Variants in SLC22A5 observed in about 807,000 individuals in gnomAD.
SLC22A5 encodes organic cation/carnitine transporter 2.
In SLC22A5, 44 loss-of-function variants were observed where a neutral mutation model predicts 56.7. The observed-to-expected ratio is 0.78, with a 90% CI of 0.61 to 1.00. SLC22A5 has a LOEUF of 1.00. SLC22A5 is among the 50% of genes least tolerant of loss of function. SLC22A5 has a pLI of 0.00. For missense variants in SLC22A5, 675 were observed against 723.0 expected, an observed-to-expected ratio of 0.93 and a Z score of 0.76; for synonymous variants, 278 against 292.1, an observed-to-expected ratio of 0.95 and a Z score of 0.49.
chr5:132,383,402 C>G (rs1469328131), intron 2 of SLC22A5: 2 of 152,236 alleles, frequency 1.3e-5, no homozygotes, highest in African/African-American at 4.8e-5. Context: ...ATAGAATTTC[C>G]CAGTCTGGAT....
intron 3 of SLC22A5, 91 bp downstream of exon 3, chr5:132,384,392 C>T (rs1174927129): frequency 4.6e-6 from 6 of 1,308,562 alleles, no homozygotes; most frequent in Non-Finnish European, 6.6e-6. Flanking sequence ...TGATGTCCCT[C>T]AAGGGGGACA....
chr5:132,374,889 T>C (rs1338758930), intron 1 of SLC22A5, among the ~76,000 whole-genome samples: 3 of 152,084 alleles, frequency 2.0e-5, no homozygotes, highest in Admixed American at 6.6e-5. Context: ...ACCCCGTCTC[T>C]ACTAAAAATA....
chr5:132,370,155 C>G lies in SLC22A5; in HGVS notation c.183C>G (p.Ala61=), dbSNP rs1226557478. 1.9e-6 allele frequency: 3 copies of G among 1,608,606 alleles called. No individual in the cohort carries two copies. In the African/African-American group the frequency reaches 4.0e-5, roughly 21 times the overall value. The change falls in exon 1 of 10, where the codon GCC becomes GCG. Residue 61 remains alanine (A), a synonymous_variant. Coordinates refer to ENST00000245407, the MANE Select transcript of SLC22A5 (RefSeq NM_003060.4). ...RVPDAANLSS[A]WRNHTVPLRL... ...CGGACGCCGCGAACCTGAGCAGCGC[C>G]TGGCGCAACCACACTGTCCCACTGC... is the stretch of plus-strand genomic sequence containing the variant.
At chr5:132,384,910 C>G (rs1483617854) in intron 3 of SLC22A5, among the ~76,000 whole-genome samples, 1 of 152,106 alleles carries the variant, frequency 6.6e-6, no homozygotes, top group Non-Finnish European at 1.5e-5. Context: ...GCTGATAAGG[C>G]CTTTGAGTTC....
intron 1 of SLC22A5, chr5:132,376,890 A>T (rs1752158706): frequency 6.6e-6 from 1 of 152,316 alleles, no homozygotes. Flanking sequence ...CTGCAGGGAT[A>T]CTTACCCACC....
intron 2 of SLC22A5, chr5:132,378,702 T>C: frequency 1.8e-6 from 1 of 570,662 alleles, no homozygotes; most frequent in South Asian, 2.0e-5. Flanking sequence ...CTGTCTAAGC[T>C]GAATGTATCT....
chr5:132,389,296 C>T (rs1416932851), intron 6 of SLC22A5: 8 of 414,184 alleles, frequency 1.9e-5, no homozygotes, highest in Non-Finnish European at 3.6e-5. Flanking sequence ...GAATCCTTGC[C>T]CAATTTGGGT....
intron 1 of SLC22A5, among the ~76,000 whole-genome samples, chr5:132,371,496 G>T (rs2126767514): frequency 6.6e-6 from 1 of 152,202 alleles, no homozygotes; most frequent in South Asian, 2.1e-4. Context: ...TGTTGGAGCT[G>T]GATGTAGGAA....
chr5:132,393,458 A>G (rs1752775448), intron 8 of SLC22A5, among the ~76,000 whole-genome samples: 1 of 152,198 alleles, frequency 6.6e-6, no homozygotes, highest in Non-Finnish European at 1.5e-5. Flanking sequence ...CCTCCCCTGC[A>G]TGGTGGAACA....
Position 132,370,196 on chromosome 5 carries a change from G to A in SLC22A5, c.224G>A (p.Arg75His), listed in dbSNP as rs757711838. Residue 75 changes from arginine to histidine, a missense_variant, in exon 1 of 10, where the codon CGC becomes CAC. Arg to His is a conservative substitution (Grantham distance 29). Coordinates refer to ENST00000245407, the MANE Select transcript of SLC22A5 (RefSeq NM_003060.4). Reference protein sequence around the residue: ...HTVPLRLRDGREVPHSCRRYR... With the variant: ...HTVPLRLRDGHEVPHSCRRYR... ...GTCCCACTGCGGCTGCGGGACGGCC[G>A]CGAGGTGCCCCACAGCTGCCGCCGC... 1 of 1,592,770 alleles carries A rather than the reference G, an allele frequency of 6.3e-7. No homozygotes were observed. The highest frequency in any genetic ancestry group is 8.5e-7 in the Non-Finnish European group (1 of 1,169,998).
chr5:132,385,404 C>T lies in SLC22A5; in HGVS notation c.729C>T (p.Tyr243=), dbSNP rs2126783776. Reference sequence around the variant, plus strand: ...TGTGCATATTTTATGCATTTGGCTACATGGTGCTGCCACTGTTTGCTTACT... The same window carrying T: ...TGTGCATATTTTATGCATTTGGCTATATGGTGCTGCCACTGTTTGCTTACT... ...LGVCIFYAFG[Y]MVLPLFAYFI... The change falls in exon 4 of 10, where the codon TAC becomes TAT. Residue 243 remains tyrosine, a synonymous_variant. Coordinates refer to ENST00000245407, the MANE Select transcript of SLC22A5 (RefSeq NM_003060.4). 2 of 1,614,020 alleles carry T rather than the reference C, an allele frequency of 1.2e-6. No individual in the cohort carries two copies. The highest frequency in any genetic ancestry group is 1.1e-5 in the South Asian group (1 of 91,084).
chr5:132,385,409 T>G lies in SLC22A5; in HGVS notation c.734T>G (p.Val245Gly). ...ATATTTTATGCATTTGGCTACATGG[T>G]GCTGCCACTGTTTGCTTACTTCATC... Reference protein sequence around the residue: ...VCIFYAFGYMVLPLFAYFIRD... With the variant: ...VCIFYAFGYMGLPLFAYFIRD... Residue 245 changes from valine to glycine, a missense_variant, in exon 4 of 10, where the codon GTG becomes GGG. Physicochemically the swap from Val to Gly is moderately radical, Grantham distance 109. Coordinates refer to ENST00000245407, the MANE Select transcript of SLC22A5 (RefSeq NM_003060.4). The G allele has an allele frequency of 6.2e-7, 1 of 1,614,178 alleles. No individual in the cohort carries two copies. The highest frequency in any genetic ancestry group is 8.5e-7 in the Non-Finnish European group (1 of 1,179,972).
Position 132,378,408 on chromosome 5 carries a change from G to A in SLC22A5, c.424G>A (p.Ala142Thr), listed in dbSNP as rs151231558. 5 of 1,614,090 alleles carry A rather than the reference G, an allele frequency of 3.1e-6. No homozygotes were observed. Among genetic ancestry groups the A allele is most frequent in the African/African-American group, 2.7e-5 (2 of 74,928 alleles). ...WNLVCEDDWKAPLTISLFFVG... is the reference protein window; with the variant it reads ...WNLVCEDDWKTPLTISLFFVG... ...CCTGGTGTGTGAGGACGACTGGAAG[G>A]CCCCACTCACAATCTCCTTGTTCTT... Residue 142 changes from alanine (A) to threonine (T), a missense_variant, in exon 2 of 10, where the codon GCC becomes ACC. Ala to Thr is a moderately conservative substitution (Grantham distance 58, BLOSUM62 0). Transcript: ENST00000245407.
intron 4 of SLC22A5, 30 bp from the exon 5 acceptor site, chr5:132,386,995 C>T (rs557084526): frequency 6.2e-6 from 10 of 1,613,478 alleles, no homozygotes; most frequent in Non-Finnish European, 8.5e-6. Flanking sequence ...GGCAGGGAGG[C>T]CTCACTGAGA....
At position 132,393,777 on chromosome 5, in the gene SLC22A5, C is replaced by G. The variant is rs768925240; in HGVS notation, c.1552C>G (p.Pro518Ala). ...FLPESFGTPL[P>A]DTIDQMLRVK... The stretch of plus-strand genomic sequence containing the variant: ...CCCAGAGAGCTTCGGTACCCCACTC[C>G]CAGACACCATTGACCAGATGCTAAG... Residue 518 changes from proline (P) to alanine (A), a missense_variant, in exon 9 of 10, where the codon CCA (proline) becomes GCA (alanine). Transcript: ENST00000245407. 6.8e-6 allele frequency: 11 copies of G among 1,614,032 alleles called. No individual in the cohort carries two copies. The Admixed American group carries it at 1.2e-4, about 17-fold the overall frequency.
Position 132,394,263 on chromosome 5 carries a change from A to T in SLC22A5, c.1665A>T (p.Thr555=), listed in dbSNP as rs1161715534. The T allele has an allele frequency of 6.2e-7, 1 of 1,608,696 alleles. No homozygotes were observed. Among genetic ancestry groups the T allele is most frequent in the Non-Finnish European group, 8.5e-7 (1 of 1,174,938 alleles). The change falls in exon 10 of 10, where the codon ACA becomes ACT. Residue 555 remains threonine, a synonymous_variant. Coordinates refer to ENST00000245407, the MANE Select transcript of SLC22A5 (RefSeq NM_003060.4). ...AAAGGCCCACAATCCTTAAAAGCAC[A>T]GCCTTCTAACATCGCTTCCAGTAAG... The part of the protein sequence containing the change: ...GQERPTILKS[T]AF
At chr5:132,371,725 C>G (rs751411781) in intron 1 of SLC22A5, among the ~76,000 whole-genome samples, 19 of 152,082 alleles carry the variant, frequency 1.2e-4, no homozygotes, top group Non-Finnish European at 2.8e-4. Context: ...TAATAGTGAG[C>G]TGAAGGCCCC....
At chr5:132,373,686 A>C (rs1462760796) in intron 1 of SLC22A5, among the ~76,000 whole-genome samples, 2 of 152,138 alleles carry the variant, frequency 1.3e-5, no homozygotes, top group African/African-American at 4.8e-5. Flanking sequence ...GAGGTAAAAG[A>C]GTTTTATGCC....
chr5:132,384,405 GT>G, intron 3 of SLC22A5, 104 bp downstream of exon 3: 1 of 1,232,478 alleles, frequency 8.1e-7, no homozygotes, highest in South Asian at 1.2e-5. Context: ...GGGGGACAGG[GT>G]TTCTAACAAA....
Sources: allele counts gnomAD v4.1 joint callset (sites outside exome capture counted in the v4.1 genomes callset), GRCh38; gene constraint gnomAD v4.1.1; transcripts MANE v1.5; gene names NCBI Gene and HGNC (gene_info 2026-07-23, HGNC 2026-07-21).